Variants in ZNF334 observed in about 807,000 individuals in gnomAD.
ZNF334 encodes zinc finger protein 334.
A neutral mutation model predicts 12.4 loss-of-function variants in ZNF334; 14 were observed. The observed-to-expected ratio is 1.13, with a 90% CI of 0.74 to 1.76. The LOEUF (loss-of-function observed/expected upper bound fraction) is 1.76. Among genes scored for constraint, ZNF334 ranks in the 40% most tolerant of loss-of-function variants. The pLI is 0.00. For synonymous variants in ZNF334, 273 were observed against 269.6 expected (o/e 1.01, Z -0.12); for missense variants, 797 against 804.5 (o/e 0.99, Z 0.11).
chr20:46,492,885 C>A, the ZNF334 span: 1 of 151,956 alleles, frequency 6.6e-6, no homozygotes, highest in Non-Finnish European at 1.5e-5. Context: ...AGTTCCAGAC[C>A]AGCCTGGTCA....
At chr20:46,466,839 T>C in the ZNF334 span, among the ~76,000 whole-genome samples, 1 of 152,148 alleles carries the variant, frequency 6.6e-6, no homozygotes, top group Non-Finnish European at 1.5e-5. Flanking sequence ...TGGCAGATTA[T>C]AAAGAAAAAT....
In ZNF334 at chr20:46,502,063, T is replaced by C; in HGVS notation, c.1276A>G (p.Ser426Gly). ...CQSALNVHRR[S>G]HTGEKPYECS... ...TCATAGGGCTTCTCTCCTGTATGAC[T>C]TCTTCGATGCACATTGAGGGCAGAT... The change falls in exon 5 of 5, where the codon AGT (serine) becomes GGT (glycine). Residue 426 changes from serine to glycine, a missense_variant. By Grantham distance (56) the Ser-to-Gly change is moderately conservative (BLOSUM62 0). Transcript: ENST00000692313. The C allele has an allele frequency of 6.2e-7, 1 of 1,614,226 alleles. No homozygotes were observed. Among genetic ancestry groups the C allele is most frequent in the Non-Finnish European group, 8.5e-7 (1 of 1,180,034 alleles).
chr20:46,505,253 A>C (rs1352129054), intron 2 of ZNF334: 2 of 152,304 alleles, frequency 1.3e-5, no homozygotes, highest in African/African-American at 4.8e-5. Flanking sequence ...TCTCCACAGG[A>C]AAGGTTAGTG....
At chr20:46,482,733 C>CAATT in the ZNF334 span, among the ~76,000 whole-genome samples, 2 of 152,082 alleles carry the variant, frequency 1.3e-5, no homozygotes, top group Non-Finnish European at 2.9e-5. Context: ...CCATCAATGA[C>CAATT]ACAGGGGAAT....
intron 2 of ZNF334, among the ~76,000 whole-genome samples, chr20:46,509,259 A>G: frequency 6.6e-6 from 1 of 152,180 alleles, no homozygotes; most frequent in Non-Finnish European, 1.5e-5. Context: ...ATGATCTCCA[A>G]AATAGGATAA....
the ZNF334 span, among the ~76,000 whole-genome samples, chr20:46,481,701 G>A: frequency 6.6e-6 from 1 of 151,928 alleles, no homozygotes; most frequent in Non-Finnish European, 1.5e-5. Context: ...CATATTTCTG[G>A]GTAACAAAAG....
rs147941756 is a variant in ZNF334 at position 46,502,957 on chromosome 20, G to C, written c.382C>G (p.Pro128Ala). Residue 128 changes from proline (P) to alanine (A), a missense_variant, in exon 5 of 5, where the codon CCC (proline) becomes GCC (alanine). By Grantham distance (27) the Pro-to-Ala change is conservative. Transcript: ENST00000692313. Reference protein sequence around the residue: ...KTLNLGMNSVPSRKMPYKCNP... With the variant: ...KTLNLGMNSVASRKMPYKCNP... ...CATTTATAGGGCATTTTTCTTGAGGGAACACTATTCATGCCCAGATTAAGT... is the reference window on the plus strand; with the variant it reads ...CATTTATAGGGCATTTTTCTTGAGGCAACACTATTCATGCCCAGATTAAGT... The C allele has an allele frequency of 1.3e-3, 2,142 of 1,613,924 alleles. 27 individuals carry two copies. The African/African-American group carries it at 0.024, about 18-fold the overall frequency.
chr20:46,481,786 G>A, the ZNF334 span, among the ~76,000 whole-genome samples: 2 of 152,156 alleles, frequency 1.3e-5, no homozygotes, highest in Admixed American at 6.5e-5. Context: ...ATGATAATAC[G>A]TTGATGGGTA....
At chr20:46,511,952 C>A in intron 2 of ZNF334, 130 bp downstream of exon 2, 1 of 855,680 alleles carries the variant, frequency 1.2e-6, no homozygotes, top group Non-Finnish European at 1.9e-6. Context: ...TATCTATGTC[C>A]ACTTTTCCAG....
At chr20:46,507,581 C>T (rs1469968010) in intron 2 of ZNF334, among the ~76,000 whole-genome samples, 2 of 152,194 alleles carry the variant, frequency 1.3e-5, no homozygotes, top group Non-Finnish European at 1.5e-5. Context: ...TGATTTTTCT[C>T]ATTCTTCGTA....
At position 46,502,114 on chromosome 20, in the gene ZNF334, C is replaced by T. The variant is rs762555233; in HGVS notation, c.1225G>A (p.Glu409Lys). ...TGACAAAAGAAGGTTTTCTCACATT[C>T]ACTACATTCATAGGGTTTTTCCCCT... ...HTGEKPYECS[E>K]CEKTFFCQSA... Residue 409 changes from glutamate (E) to lysine (K), a missense_variant, in exon 5 of 5, where the codon GAA becomes AAA. Transcript: ENST00000692313. 6 of 1,614,084 alleles carry T rather than the reference C, an allele frequency of 3.7e-6. No individual in the cohort carries two copies. The highest frequency in any genetic ancestry group is 4.5e-5 in the East Asian group (2 of 44,894).
At chr20:46,466,590 T>C in the ZNF334 span, among the ~76,000 whole-genome samples, 14 of 152,284 alleles carry the variant, frequency 9.2e-5, no homozygotes, top group East Asian at 2.1e-3. Context: ...TTCATGCAAT[T>C]CTCCTGCCTC....
At chr20:46,463,333 A>C in the ZNF334 span, among the ~76,000 whole-genome samples, 1 of 152,250 alleles carries the variant, frequency 6.6e-6, no homozygotes, top group Non-Finnish European at 1.5e-5. Context: ...CAGTAGTATT[A>C]CTTGTGTACA....
Position 46,501,229 on chromosome 20 carries a change from TCA to T in ZNF334, c.*65_*66del, listed in dbSNP as rs1395514045. The T allele has an allele frequency of 2.6e-6, 4 of 1,544,620 alleles. No individual in the cohort carries two copies. The highest frequency in any genetic ancestry group is 2.8e-5 in the African/African-American group (2 of 72,536). ...TAAGATTTTACTCCTCTATACATAC[TCA>T]CAGTTTAGCATTGTGTAAGTTATTT... On this transcript the variant is annotated 3_prime_UTR_variant, in exon 5 of 5. Transcript: ENST00000692313.
chr20:46,465,075 T>G, the ZNF334 span: 1 of 291,896 alleles, frequency 3.4e-6, no homozygotes. Context: ...GCGACAGTTA[T>G]GTCCTTCCTT....
At chr20:46,466,964 G>A in the ZNF334 span, among the ~76,000 whole-genome samples, 1 of 152,146 alleles carries the variant, frequency 6.6e-6, no homozygotes, top group African/African-American at 2.4e-5. Context: ...GATTTAAAAT[G>A]AGCATGCACT....
chr20:46,464,284 C>T, the ZNF334 span: 2 of 553,340 alleles, frequency 3.6e-6, no homozygotes, highest in Non-Finnish European at 7.1e-6. Context: ...TTTCTCCCGC[C>T]TGGTACTCAC....
chr20:46,493,147 T>C, the ZNF334 span, among the ~76,000 whole-genome samples: 4 of 152,058 alleles, frequency 2.6e-5, no homozygotes, highest in African/African-American at 9.7e-5. Context: ...GGATAAGGCA[T>C]TTCCTGTGGT....
chr20:46,493,488 T>C, the ZNF334 span, among the ~76,000 whole-genome samples: 1 of 152,294 alleles, frequency 6.6e-6, no homozygotes, highest in South Asian at 2.1e-4. Flanking sequence ...TGGTTTCTGC[T>C]GTCTTGTCTA....
Sources: gnomAD v4.1 joint callset for allele counts (sites outside exome capture counted in the v4.1 genomes callset) on GRCh38, gnomAD v4.1.1 for gene constraint, MANE v1.5 for transcripts, NCBI Gene and HGNC (gene_info 2026-07-23, HGNC 2026-07-21) for gene names.